Variants in PACSIN1 observed in about 807,000 individuals in gnomAD.
PACSIN1 encodes protein kinase C and casein kinase substrate in neurons 1, also known as protein kinase C and casein kinase substrate in neurons protein 1.
In PACSIN1, 15 loss-of-function variants were observed where a neutral mutation model predicts 59.5. The observed-to-expected ratio is 0.25, with a 90% CI of 0.17 to 0.39. The LOEUF (loss-of-function observed/expected upper bound fraction) is 0.39. Ranked by LOEUF, PACSIN1 falls within the 10% of genes least tolerant of loss-of-function variation. The pLI, the probability that PACSIN1 is intolerant of heterozygous loss-of-function variation, is 1.00. For missense variants in PACSIN1, 420 were observed against 580.2 expected (o/e 0.72, Z 2.84); for synonymous variants, 210 against 220.6 (o/e 0.95, Z 0.42).
intron 1 of PACSIN1, among the ~76,000 whole-genome samples, chr6:34,478,527 C>T (rs1023789480): frequency 1.3e-5 from 2 of 151,598 alleles, no homozygotes; most frequent in Admixed American, 1.3e-4. Context: ...CATGCGTCAC[C>T]ACACCTGGCT....
chr6:34,482,905 T>C (rs1766740333), intron 1 of PACSIN1, among the ~76,000 whole-genome samples: 1 of 152,030 alleles, frequency 6.6e-6, no homozygotes, highest in Non-Finnish European at 1.5e-5. Context: ...CAGGCTGGTC[T>C]TGAACTCCTG....
intron 1 of PACSIN1, among the ~76,000 whole-genome samples, chr6:34,523,124 C>T (rs903205471): frequency 1.3e-5 from 2 of 152,222 alleles, no homozygotes; most frequent in Non-Finnish European, 2.9e-5. Flanking sequence ...CAGGTTACTT[C>T]GCTGCTCCGT....
rs983762786 is a variant in PACSIN1 at position 34,466,085 on chromosome 6, C to G, written c.-249C>G. On this transcript the variant is annotated 5_prime_UTR_variant, in exon 1 of 10. Coordinates refer to ENST00000244458, the MANE Select transcript of PACSIN1 (RefSeq NM_020804.5). ...TGCACGCCTCCTCCTCATCCTTCCC[C>G]CCTCTCCGCCTCAGCTCTGACCTTC... 2 of 152,466 alleles carry G rather than the reference C, an allele frequency of 1.3e-5. No homozygotes were observed. The highest frequency in any genetic ancestry group is 1.9e-4 in the East Asian group (1 of 5,178). 9.4% of individuals were successfully genotyped at this position (152,466 alleles called of 1,614,324 possible).
chr6:34,467,701 G>T (rs1766516628), intron 1 of PACSIN1, among the ~76,000 whole-genome samples: 1 of 152,042 alleles, frequency 6.6e-6, no homozygotes, highest in Non-Finnish European at 1.5e-5. Flanking sequence ...TGGAATTACA[G>T]GCATGCACCA....
intron 1 of PACSIN1, among the ~76,000 whole-genome samples, chr6:34,505,804 G>A (rs538380095): frequency 4.6e-5 from 7 of 151,766 alleles, no homozygotes; most frequent in African/African-American, 1.7e-4. Flanking sequence ...GGCTGATTTT[G>A]TAATTTTAGT....
chr6:34,480,892 G>T (rs1459736440), intron 1 of PACSIN1, among the ~76,000 whole-genome samples: 1 of 151,482 alleles, frequency 6.6e-6, no homozygotes, highest in Non-Finnish European at 1.5e-5. Flanking sequence ...GCAGGTATGT[G>T]GTTACTAGCA....
intron 1 of PACSIN1, among the ~76,000 whole-genome samples, chr6:34,508,967 C>T (rs910288413): frequency 6.6e-6 from 1 of 152,254 alleles, no homozygotes; most frequent in South Asian, 2.1e-4. Flanking sequence ...CAGCAGGTTA[C>T]GTTTTCACTC....
intron 1 of PACSIN1, among the ~76,000 whole-genome samples, chr6:34,470,949 A>AT (rs1449272679): frequency 6.6e-6 from 1 of 151,804 alleles, no homozygotes; most frequent in Non-Finnish European, 1.5e-5. Flanking sequence ...ATTTTATTTT[A>AT]TTTATTTATT....
At chr6:34,524,449 G>A (rs1176178423) in intron 1 of PACSIN1, among the ~76,000 whole-genome samples, 1 of 152,140 alleles carries the variant, frequency 6.6e-6, no homozygotes, top group Admixed American at 6.5e-5. Flanking sequence ...ATTCCCCGAA[G>A]ATGGTCACCA....
At chr6:34,502,205 C>T (rs1342418700) in intron 1 of PACSIN1, among the ~76,000 whole-genome samples, 1 of 152,012 alleles carries the variant, frequency 6.6e-6, no homozygotes, top group Non-Finnish European at 1.5e-5. Flanking sequence ...TTGGTCTTGC[C>T]AGTAAGACAT....
At chr6:34,527,677 G>T in intron 3 of PACSIN1, 189 bp downstream of exon 3, 1 of 405,364 alleles carries the variant, frequency 2.5e-6, no homozygotes. Context: ...ACAATTTTAG[G>T]TTGAATTAAA....
Position 34,512,095 on chromosome 6 carries a change from A to G in PACSIN1, c.-63-14148A>G, listed in dbSNP as rs1767212105. 3.9e-5 allele frequency among the ~76,000 whole-genome samples: 6 copies of G among 151,922 alleles called. No homozygotes were observed. The South Asian group carries it at 1.3e-3, about 32-fold the overall frequency. ...TATGTGTGTGCCTGTGTGTGTGTGT[A>G]CATGATGTAGGGGGTGTCCCTGTGC... On this transcript the variant is annotated intron_variant, in intron 1 of 9. Coordinates refer to ENST00000244458, the MANE Select transcript of PACSIN1 (RefSeq NM_020804.5).
rs149647261 is a variant in PACSIN1 at position 34,513,389 on chromosome 6, T to C, written c.-63-12854T>C. On this transcript the variant is annotated intron_variant, in intron 1 of 9. Coordinates refer to ENST00000244458, the MANE Select transcript of PACSIN1 (RefSeq NM_020804.5). ...CCCTCTCTGGGGAGTGTGGGGTCCC[T>C]GAGAATTACCCTGGGGCACAGGGGC... 4.7e-3 allele frequency among the ~76,000 whole-genome samples: 710 copies of C among 152,222 alleles called. 4 individuals carry two copies. Among genetic ancestry groups the C allele is most frequent in the African/African-American group, 0.016 (667 of 41,532 alleles).
Position 34,528,867 on chromosome 6 carries a change from A to G in PACSIN1, c.446A>G (p.Lys149Arg). ...AAGGCCCAGAAGCCTTGGGCCAAGA[A>G]GATGAAGGAGGTGCTCAGTGGGTGC... is the stretch of plus-strand genomic sequence containing the variant. ...FRKAQKPWAK[K>R]MKELEAAKKA... The change falls in exon 4 of 10, where the codon AAG becomes AGG. Residue 149 changes from lysine to arginine, a missense_variant. By Grantham distance (26) the Lys-to-Arg change is conservative. Transcript: ENST00000244458. 1 of 1,196,722 alleles carries G rather than the reference A, an allele frequency of 8.4e-7. No homozygotes were observed. The highest frequency in any genetic ancestry group is 1.1e-6 in the Non-Finnish European group (1 of 871,692). The allele number at this position is 1,196,722 out of a possible 1,614,324, so 74.1% of individuals were successfully genotyped here. A position where few individuals can be genotyped will look rare whatever the true frequency, so the allele number is the denominator to read the frequency against.
Position 34,515,975 on chromosome 6 carries a change from G to T in PACSIN1, c.-63-10268G>T, listed in dbSNP as rs1023656932. 1.3e-5 allele frequency among the ~76,000 whole-genome samples: 2 copies of T among 152,140 alleles called. No individual in the cohort carries two copies. Among genetic ancestry groups the T allele is most frequent in the African/African-American group, 4.8e-5 (2 of 41,422 alleles). On this transcript the variant is annotated intron_variant, in intron 1 of 9. Coordinates refer to ENST00000244458, the MANE Select transcript of PACSIN1 (RefSeq NM_020804.5). This position sits in a 1 kb window ranked among gnomAD's most constrained non-coding sequence, Gnocchi z 4.4. ...GGAGGGGGCTGGAGGGGGCCCACAGGAGTTCACGGTGGGGCACACCTGGTC... is the reference window on the plus strand; with the variant it reads ...GGAGGGGGCTGGAGGGGGCCCACAGTAGTTCACGGTGGGGCACACCTGGTC...
At chr6:34,468,664 C>T (rs1335672258) in intron 1 of PACSIN1, among the ~76,000 whole-genome samples, 1 of 152,226 alleles carries the variant, frequency 6.6e-6, no homozygotes, top group Non-Finnish European at 1.5e-5. Context: ...ACCCAAATCT[C>T]TCACCCTCGG....
chr6:34,523,477 G>C (rs1767432097), intron 1 of PACSIN1, among the ~76,000 whole-genome samples: 1 of 152,228 alleles, frequency 6.6e-6, no homozygotes, highest in African/African-American at 2.4e-5. Flanking sequence ...CATGTGAATG[G>C]TATGTGCCCA....
intron 1 of PACSIN1, among the ~76,000 whole-genome samples, chr6:34,483,406 C>G (rs1263519278): frequency 6.6e-6 from 1 of 152,136 alleles, no homozygotes; most frequent in Non-Finnish European, 1.5e-5. Context: ...TTGCCCAGTC[C>G]CTTCATCTTA....
At position 34,530,552 on chromosome 6, in the gene PACSIN1, G is replaced by A. The variant is rs533629965; in HGVS notation, c.1002G>A (p.Ala334=). The stretch of plus-strand genomic sequence containing the variant: ...TGGCGCTGACCAATGCCACTGGGGC[G>A]GTAGAGTCCACATCCCAGGCTGGGG... ...EGVALTNATG[A]VESTSQAGDR... is the part of the protein sequence containing the mutation. The change falls in exon 8 of 10, where the codon GCG becomes GCA. Residue 334 remains alanine, a synonymous_variant. Transcript: ENST00000244458. The surrounding 1 kb of genome is among the most constrained non-coding windows in gnomAD (Gnocchi z 4.4). The A allele has an allele frequency of 1.2e-5, 20 of 1,602,830 alleles. No individual in the cohort carries two copies. The highest frequency in any genetic ancestry group is 1.2e-4 in the Admixed American group (7 of 57,554).
Sources: allele counts gnomAD v4.1 joint callset (sites outside exome capture counted in the v4.1 genomes callset), GRCh38; gene constraint gnomAD v4.1.1; non-coding constraint Gnocchi (gnomAD v3.1); transcripts MANE v1.5; gene names NCBI Gene and HGNC (gene_info 2026-07-23, HGNC 2026-07-21).